The following TUSC3 variants were observed in gnomAD, a reference collection of about 807,000 sequenced individuals.
The protein encoded by TUSC3 is tumor suppressor candidate 3, also known as dolichyl-diphosphooligosaccharide--protein glycosyltransferase subunit TUSC3.
A neutral mutation model predicts 44.8 loss-of-function variants in TUSC3; 45 were observed. That is an observed-to-expected ratio of 1.00 (90% CI 0.79 to 1.29). The LOEUF is 1.29. TUSC3 is among the 50% of genes most tolerant of loss of function. The pLI is 0.00. For missense variants in TUSC3, 519 were observed against 437.9 expected, an observed-to-expected ratio of 1.19 and a Z score of -1.65; for synonymous variants, 212 against 152.9, an observed-to-expected ratio of 1.39 and a Z score of -2.85.
chr8:15,518,399 AAAT>A (rs1407717906), intron 2 of TUSC3, among the ~76,000 whole-genome samples: 1 of 152,124 alleles, frequency 6.6e-6, no homozygotes, highest in Non-Finnish European at 1.5e-5. Flanking sequence ...GAAAATAGAA[AAAT>A]AGTAGGAAAA....
chr8:15,595,085 C>G (rs1207223657), intron 1 of TUSC3, among the ~76,000 whole-genome samples: 2 of 152,168 alleles, frequency 1.3e-5, no homozygotes, highest in Non-Finnish European at 2.9e-5. Context: ...CAGTCCCTCC[C>G]TTTCTCAGAA....
chr8:15,488,293 C>A (rs1800760657), intron 2 of TUSC3, among the ~76,000 whole-genome samples: 2 of 151,418 alleles, frequency 1.3e-5, no homozygotes, highest in African/African-American at 2.4e-5. Context: ...GCTCAGGAGC[C>A]CAGGACCAGC....
the TUSC3 span, among the ~76,000 whole-genome samples, chr8:15,840,168 A>G: frequency 6.6e-6 from 1 of 152,110 alleles, no homozygotes; most frequent in Non-Finnish European, 1.5e-5. Context: ...ATAGGTGGGA[A>G]CTGAACAATG....
At chr8:15,453,514 A>G (rs1010765939) in intron 1 of TUSC3, among the ~76,000 whole-genome samples, 3 of 152,220 alleles carry the variant, frequency 2.0e-5, no homozygotes, top group Non-Finnish European at 2.9e-5. Flanking sequence ...ACTTAATGCA[A>G]CTGCTATGAA....
chr8:15,554,527 G>A (rs1299146473), intron 1 of TUSC3, among the ~76,000 whole-genome samples: 2 of 150,946 alleles, frequency 1.3e-5, no homozygotes, highest in Non-Finnish European at 3.0e-5. Flanking sequence ...ACTGAGATTT[G>A]GAGCTCTTAG....
chr8:15,736,539 G>C (rs550773810), intron 7 of TUSC3, among the ~76,000 whole-genome samples: 1 of 152,126 alleles, frequency 6.6e-6, no homozygotes. Context: ...AAAACCTCAT[G>C]TATGATTTTA....
At position 15,743,567 on chromosome 8, in the gene TUSC3, C is replaced by T. The variant is rs372888825; in HGVS notation, c.892C>T (p.Leu298=). Reference sequence around the variant, plus strand: ...CGCTATCACCATGGGGATGGTTCTTCTAAATGAAGCAGCAACTTCGAAAGG... The same window carrying T: ...CGCTATCACCATGGGGATGGTTCTTTTAAATGAAGCAGCAACTTCGAAAGG... The part of the protein sequence containing the change: ...NAAITMGMVL[L]NEAATSKGDV... The change falls in exon 8 of 11, where the codon CTA becomes TTA. Residue 298 remains leucine (L), a synonymous_variant. Coordinates refer to ENST00000503731, the MANE Select transcript of TUSC3 (RefSeq NM_006765.4). 7 of 1,613,768 alleles carry T rather than the reference C, an allele frequency of 4.3e-6. No individual in the cohort carries two copies. In the African/African-American group the frequency reaches 9.3e-5, roughly 22 times the overall value.
chr8:15,511,389 G>T (rs898675059), intron 2 of TUSC3, among the ~76,000 whole-genome samples: 1 of 151,908 alleles, frequency 6.6e-6, no homozygotes, highest in Non-Finnish European at 1.5e-5. Flanking sequence ...AAAATGTGAT[G>T]GAATATACAA....
At chr8:15,684,643 C>T (rs559414504) in intron 6 of TUSC3, among the ~76,000 whole-genome samples, 1 of 152,294 alleles carries the variant, frequency 6.6e-6, no homozygotes, top group South Asian at 2.1e-4. Context: ...GGATGCCCAG[C>T]TCTGATGTCA....
At chr8:15,802,185 A>G in the TUSC3 span, among the ~76,000 whole-genome samples, 2 of 152,152 alleles carry the variant, frequency 1.3e-5, no homozygotes, top group Admixed American at 1.3e-4. Context: ...ACATATTTTA[A>G]TCTGCAATAG....
intron 6 of TUSC3, among the ~76,000 whole-genome samples, chr8:15,679,887 G>A (rs556144714): frequency 2.6e-5 from 4 of 152,070 alleles, no homozygotes; most frequent in Non-Finnish European, 5.9e-5. Context: ...CAAAGATCAG[G>A]TGGTTGTAGA....
At chr8:15,474,478 G>A (rs751472834) in intron 1 of TUSC3, among the ~76,000 whole-genome samples, 2 of 152,092 alleles carry the variant, frequency 1.3e-5, no homozygotes, top group African/African-American at 4.8e-5. Context: ...GCTCCAGTTG[G>A]TCCCTCCGTT....
At chr8:15,548,839 A>T (rs1209404402) in intron 1 of TUSC3, among the ~76,000 whole-genome samples, 1 of 151,812 alleles carries the variant, frequency 6.6e-6, no homozygotes, top group Non-Finnish European at 1.5e-5. Flanking sequence ...TTTGTCAATT[A>T]CATATTAAAT....
At chr8:15,519,983 C>T (rs1308105751) in intron 2 of TUSC3, among the ~76,000 whole-genome samples, 1 of 152,278 alleles carries the variant, frequency 6.6e-6, no homozygotes, top group East Asian at 1.9e-4. Context: ...AATCTCTTTG[C>T]TCACTGTTGG....
chr8:15,681,559 CT>C (rs71211069), intron 6 of TUSC3, among the ~76,000 whole-genome samples: 6 of 146,002 alleles, frequency 4.1e-5, no homozygotes, highest in East Asian at 2.0e-4. Context: ...GATCTTTTCT[CT>C]TTTTTTTTTT....
chr8:15,610,776 G>C (rs1474912327), intron 1 of TUSC3, among the ~76,000 whole-genome samples: 3 of 152,124 alleles, frequency 2.0e-5, no homozygotes, highest in Non-Finnish European at 4.4e-5. Flanking sequence ...CATTCATTCA[G>C]TAGAGGTATA....
intron 2 of TUSC3, among the ~76,000 whole-genome samples, chr8:15,635,075 A>G (rs1300329581): frequency 6.6e-6 from 1 of 151,966 alleles, no homozygotes; most frequent in Non-Finnish European, 1.5e-5. Flanking sequence ...TTTCCCCCCA[A>G]AGGTAGGCTG....
intron 1 of TUSC3, among the ~76,000 whole-genome samples, chr8:15,483,203 A>C (rs1368067606): frequency 6.6e-6 from 1 of 152,198 alleles, no homozygotes; most frequent in Non-Finnish European, 1.5e-5. Flanking sequence ...AAGAAAAAGA[A>C]ATGGGAGTAA....
intron 1 of TUSC3, among the ~76,000 whole-genome samples, chr8:15,620,309 T>A (rs768955785): frequency 2.0e-5 from 3 of 152,180 alleles, no homozygotes; most frequent in Non-Finnish European, 4.4e-5. Flanking sequence ...TTTGTCAAGA[T>A]TGATGCAAAA....
Sources: allele counts gnomAD v4.1 joint callset (sites outside exome capture counted in the v4.1 genomes callset), GRCh38; gene constraint gnomAD v4.1.1; transcripts MANE v1.5; gene names NCBI Gene and HGNC (gene_info 2026-07-23, HGNC 2026-07-21).